The following TMTC2 variants were observed in gnomAD, a reference collection of about 807,000 sequenced individuals.
TMTC2 encodes the protein transmembrane O-mannosyltransferase targeting cadherins 2.
Under a neutral mutation model 82.4 loss-of-function variants are expected in TMTC2, and 43 were observed. That is an observed-to-expected ratio of 0.52 (90% confidence interval 0.41 to 0.67). The LOEUF is 0.67. TMTC2 is among the 30% of genes least tolerant of loss of function. TMTC2 has a pLI of 0.00. For synonymous variants in TMTC2, 408 were observed against 381.9 expected (o/e 1.07, Z -0.80); for missense variants, 919 against 1,012.4 (o/e 0.91, Z 1.25).
At chr12:82,691,713 A>C (rs1872587847) in intron 1 of TMTC2, among the ~76,000 whole-genome samples, 1 of 152,172 alleles carries the variant, frequency 6.6e-6, no homozygotes, top group Non-Finnish European at 1.5e-5. Flanking sequence ...TCTTTGACCA[A>C]TCTGAGATTG....
intron 1 of TMTC2, among the ~76,000 whole-genome samples, chr12:82,697,908 TAGATTTCAGGCAAGCAGCAAAAATG>T (rs1293690589): frequency 2.0e-5 from 3 of 152,190 alleles, no homozygotes; most frequent in Non-Finnish European, 4.4e-5. Context: ...GAAGACTTTA[TAGATTTCAGGCAAGCAGCAAAAATG>T]AGAGTTTAGG....
At chr12:82,779,996 G>C (rs1265386972) in intron 1 of TMTC2, among the ~76,000 whole-genome samples, 1 of 151,330 alleles carries the variant, frequency 6.6e-6, no homozygotes, top group South Asian at 2.1e-4. Context: ...AGTAGGGGCT[G>C]TCCCTTAAAA....
chr12:83,001,998 AT>A (rs1879949497), intron 8 of TMTC2, among the ~76,000 whole-genome samples: 1 of 152,188 alleles, frequency 6.6e-6, no homozygotes, highest in Non-Finnish European at 1.5e-5. Context: ...GCTTCATAGA[AT>A]GAGTTAGGAA....
At chr12:83,030,562 T>C (rs1881384393) in intron 8 of TMTC2, among the ~76,000 whole-genome samples, 1 of 152,210 alleles carries the variant, frequency 6.6e-6, no homozygotes, top group Non-Finnish European at 1.5e-5. Flanking sequence ...CTGATCTTTT[T>C]GGTGGGCCAT....
chr12:82,899,136 G>A (rs1345439709), intron 3 of TMTC2, among the ~76,000 whole-genome samples: 2 of 151,894 alleles, frequency 1.3e-5, no homozygotes, highest in African/African-American at 4.8e-5. Flanking sequence ...CAGAATTTAG[G>A]CACTCCAAAA....
chr12:83,039,550 A>T (rs1183433369), intron 9 of TMTC2, among the ~76,000 whole-genome samples: 1 of 152,078 alleles, frequency 6.6e-6, no homozygotes. Flanking sequence ...ATAGCATCTC[A>T]TTTAATTCCC....
chr12:82,771,105 G>T (rs965915229), intron 1 of TMTC2, among the ~76,000 whole-genome samples: 11 of 151,866 alleles, frequency 7.2e-5, no homozygotes, highest in African/African-American at 2.7e-4. Context: ...TACTCAGGAG[G>T]CTGAGGCAGG....
intron 11 of TMTC2, among the ~76,000 whole-genome samples, chr12:83,114,760 T>C (rs969835983): frequency 2.6e-5 from 4 of 152,064 alleles, no homozygotes; most frequent in African/African-American, 9.7e-5. Flanking sequence ...ATCTGTTGAG[T>C]CTTTACCCCA....
At chr12:82,865,837 A>G (rs528246433) in intron 2 of TMTC2, among the ~76,000 whole-genome samples, 1,702 of 152,344 alleles carry the variant, frequency 0.011, 11 homozygotes, top group South Asian at 0.037. Context: ...CAATCAAACT[A>G]GAACTCAGGA....
intron 2 of TMTC2, among the ~76,000 whole-genome samples, chr12:82,870,195 T>C (rs763399364): frequency 3.9e-5 from 6 of 152,160 alleles, no homozygotes; most frequent in Non-Finnish European, 7.3e-5. Context: ...AATTGAGCTG[T>C]TGGTAGTTGT....
chr12:82,946,184 T>A (rs1427281985), intron 4 of TMTC2, among the ~76,000 whole-genome samples: 1 of 152,204 alleles, frequency 6.6e-6, no homozygotes, highest in East Asian at 1.9e-4. Flanking sequence ...CTACCTATAA[T>A]GACAAATAAT....
At chr12:82,888,385 G>A (rs886408929) in intron 2 of TMTC2, among the ~76,000 whole-genome samples, 1 of 152,200 alleles carries the variant, frequency 6.6e-6, no homozygotes, top group Admixed American at 6.5e-5. Context: ...AAGGTGAAAA[G>A]GTCAAGTTTC....
intron 1 of TMTC2, among the ~76,000 whole-genome samples, chr12:82,755,967 A>T (rs1876301095): frequency 6.6e-6 from 1 of 152,224 alleles, no homozygotes; most frequent in Non-Finnish European, 1.5e-5. Context: ...CAAAGGTGAC[A>T]TCAGATGCCT....
chr12:82,921,566 A>T (rs1458937598), intron 3 of TMTC2, among the ~76,000 whole-genome samples: 1 of 152,076 alleles, frequency 6.6e-6, no homozygotes. Context: ...GGCCCTTGAG[A>T]TGGAGCAGTA....
At chr12:83,077,901 T>TTTC (rs1565879955) in intron 11 of TMTC2, among the ~76,000 whole-genome samples, 4 of 141,124 alleles carry the variant, frequency 2.8e-5, no homozygotes, top group Non-Finnish European at 4.7e-5. Flanking sequence ...TTTTTTTTTT[T>TTTC]TTTTAACAGG....
chr12:82,854,477 G>T (rs1436234169), intron 1 of TMTC2, among the ~76,000 whole-genome samples: 2 of 152,144 alleles, frequency 1.3e-5, no homozygotes, highest in Non-Finnish European at 1.5e-5. Flanking sequence ...TAGGGGTGGA[G>T]GGGAGGGGTG....
intron 1 of TMTC2, among the ~76,000 whole-genome samples, chr12:82,777,229 T>C (rs1877646465): frequency 6.6e-6 from 1 of 152,220 alleles, no homozygotes; most frequent in South Asian, 2.1e-4. Context: ...GGGGGCAGAT[T>C]TTATAACCAT....
chr12:82,940,309 G>T (rs904496984), intron 4 of TMTC2, among the ~76,000 whole-genome samples: 3 of 151,712 alleles, frequency 2.0e-5, no homozygotes, highest in African/African-American at 7.3e-5. Flanking sequence ...GAACCACCGC[G>T]CCCGGCCAGA....
intron 1 of TMTC2, among the ~76,000 whole-genome samples, chr12:82,840,840 CG>C (rs1374535774): frequency 6.6e-6 from 1 of 152,194 alleles, no homozygotes; most frequent in Non-Finnish European, 1.5e-5. Context: ...AGTACAGTGG[CG>C]TGATCTTGGC....
Sources: gnomAD v4.1 joint callset for allele counts (sites outside exome capture counted in the v4.1 genomes callset) on GRCh38, gnomAD v4.1.1 for gene constraint, MANE v1.5 for transcripts, NCBI Gene and HGNC (gene_info 2026-07-23, HGNC 2026-07-21) for gene names.